HDAC9: variants seen among roughly 807,000 people sequenced by gnomAD.
HDAC9 encodes the protein histone deacetylase 9, also known as MEF-2 interacting transcription repressor (MITR) protein.
A neutral mutation model predicts 139.4 loss-of-function variants in HDAC9; 41 were observed. The ratio of observed to expected loss-of-function variants is 0.29; its 90% CI spans 0.23 to 0.38. HDAC9 has a LOEUF of 0.38. Among genes scored for constraint, HDAC9 ranks in the 10% least tolerant of loss-of-function variants. The pLI, the probability that HDAC9 is intolerant of heterozygous loss-of-function variation, is 1.00. For synonymous variants in HDAC9, 517 were observed against 476.2 expected (o/e 1.09, Z -1.12); for missense variants, 1,147 against 1,297.0 (o/e 0.88, Z 1.78).
At chr7:18,474,215 T>C (rs1046161687) in intron 1 of HDAC9, among the ~76,000 whole-genome samples, 2 of 152,326 alleles carry the variant, frequency 1.3e-5, no homozygotes, top group Admixed American at 6.5e-5. Context: ...GGCAAAATGT[T>C]AATAATGGGT....
intron 1 of HDAC9, among the ~76,000 whole-genome samples, chr7:18,127,900 G>C (rs532857546): frequency 1.1e-3 from 162 of 147,076 alleles, no homozygotes; most frequent in African/African-American, 3.6e-3. Context: ...GACAATTTTC[G>C]TGCATTTAAA....
chr7:18,574,332 CG>C (rs759052778), intron 2 of HDAC9, among the ~76,000 whole-genome samples: 15 of 152,212 alleles, frequency 9.9e-5, no homozygotes, highest in Non-Finnish European at 1.9e-4. Context: ...TAGCTTCTAT[CG>C]GCAAGCAGGT....
At chr7:18,540,357 T>C (rs949774388) in intron 2 of HDAC9, among the ~76,000 whole-genome samples, 1 of 151,828 alleles carries the variant, frequency 6.6e-6, no homozygotes, top group Non-Finnish European at 1.5e-5. Flanking sequence ...TATAACACTG[T>C]CATCATCAAA....
At chr7:18,861,255 A>T (rs567789065) in intron 21 of HDAC9, among the ~76,000 whole-genome samples, 2 of 152,150 alleles carry the variant, frequency 1.3e-5, no homozygotes, top group Non-Finnish European at 2.9e-5. Flanking sequence ...GTACAATTTT[A>T]ATATTAACTC....
At chr7:18,417,354 C>A (rs966068922) in intron 1 of HDAC9, among the ~76,000 whole-genome samples, 4 of 152,078 alleles carry the variant, frequency 2.6e-5, no homozygotes, top group African/African-American at 9.7e-5. Flanking sequence ...GTCTTAATAT[C>A]TTTGTCTGCT....
chr7:18,443,364 G>A (rs1338313715), intron 1 of HDAC9, among the ~76,000 whole-genome samples: 2 of 152,112 alleles, frequency 1.3e-5, no homozygotes, highest in Admixed American at 1.3e-4. Context: ...GAAGACCAAT[G>A]GGTAAGTAGT....
Position 18,405,667 on chromosome 7 carries a change from G to GA in HDAC9, c.-41-90585dup, listed in dbSNP as rs372452212. Among the ~76,000 whole-genome samples the GA allele has an allele frequency of 2.1e-3, 314 of 148,112 alleles. 1 individual carries two copies. Among genetic ancestry groups the GA allele is most frequent in the African/African-American group, 5.4e-3 (219 of 40,526 alleles). On this transcript the variant is annotated intron_variant, in intron 1 of 3. Coordinates refer to the HDAC9 transcript ENST00000413509. ...TTGAATGTGCAGGATTTTCAAGAGA[G>GA]AAAAAAAAAATATGCTAGGGAAAGA...
intron 22 of HDAC9, among the ~76,000 whole-genome samples, chr7:18,918,017 A>G (rs1803363561): frequency 6.6e-6 from 1 of 152,082 alleles, no homozygotes; most frequent in Non-Finnish European, 1.5e-5. Context: ...CCTATTGGCC[A>G]AAGTAGTGAC....
chr7:18,719,037 T>C (rs1784927026), intron 12 of HDAC9, among the ~76,000 whole-genome samples: 1 of 152,238 alleles, frequency 6.6e-6, no homozygotes, highest in Admixed American at 6.5e-5. Flanking sequence ...TGAGCATCTA[T>C]TCACAAGCCT....
intron 12 of HDAC9, among the ~76,000 whole-genome samples, chr7:18,721,654 A>G (rs577075671): frequency 1.3e-5 from 2 of 152,328 alleles, no homozygotes; most frequent in Admixed American, 6.5e-5. Context: ...GTCAGGAAGC[A>G]AATGTGATCA....
chr7:18,591,791 C>T (rs1273667572), intron 5 of HDAC9, 149 bp downstream of exon 5: 5 of 1,116,482 alleles, frequency 4.5e-6, no homozygotes, highest in East Asian at 2.4e-5. Context: ...CAGTTTCCTT[C>T]TCCATAAAAA....
At chr7:18,935,592 T>A (rs1714585900) in intron 22 of HDAC9, among the ~76,000 whole-genome samples, 1 of 152,198 alleles carries the variant, frequency 6.6e-6, no homozygotes, top group South Asian at 2.1e-4. Context: ...TTGGTTGTGA[T>A]ACTTCTTAGC....
chr7:18,882,603 G>A lies in HDAC9; in HGVS notation c.2803+8007G>A, dbSNP rs577421444. ...AAATATTTGTTCGGATCTCAAATAT[G>A]TTTCTCACTAATTTTGTAATCAAGT... is the stretch of plus-strand genomic sequence containing the variant. On this transcript the variant is annotated intron_variant, in intron 22 of 25. Transcript: ENST00000686413. Among the ~76,000 whole-genome samples, 17 of 150,224 alleles carry A rather than the reference G, an allele frequency of 1.1e-4. No homozygotes were observed. In the South Asian group the frequency reaches 2.3e-3, roughly 20 times the overall value.
intron 23 of HDAC9, among the ~76,000 whole-genome samples, chr7:18,952,115 A>T (rs1782840463): frequency 6.6e-6 from 1 of 152,026 alleles, no homozygotes; most frequent in African/African-American, 2.4e-5. Context: ...ATGACATTCA[A>T]CTAAAACATG....
intron 2 of HDAC9, among the ~76,000 whole-genome samples, chr7:18,190,480 G>T (rs1359937452): frequency 6.6e-6 from 1 of 152,070 alleles, no homozygotes; most frequent in African/African-American, 2.4e-5. Flanking sequence ...TTACAATGGG[G>T]CTATATCCTG....
chr7:18,636,335 C>A (rs1584426670), intron 8 of HDAC9, among the ~76,000 whole-genome samples: 1 of 152,076 alleles, frequency 6.6e-6, no homozygotes, highest in Non-Finnish European at 1.5e-5. Flanking sequence ...GAGCAGAGGG[C>A]AGATCCTCTC....
Position 18,557,287 on chromosome 7 carries a change from A to G in HDAC9, c.23-27994A>G, listed in dbSNP as rs550810188. On this transcript the variant is annotated intron_variant, in intron 2 of 25. Coordinates refer to ENST00000686413, the MANE Select transcript of HDAC9 (RefSeq NM_178425.4). ...GATGTAGGTCAAAGGAGATTCTGCA[A>G]ACACTTTTGCTGTTTTATCCTGGGG... is the stretch of plus-strand genomic sequence containing the variant. 3.3e-5 allele frequency among the ~76,000 whole-genome samples: 5 copies of G among 151,994 alleles called. No homozygotes were observed. The South Asian group carries it at 1.0e-3, about 32-fold the overall frequency.
chr7:18,428,815 G>A (rs935928818), intron 1 of HDAC9, among the ~76,000 whole-genome samples: 1 of 152,050 alleles, frequency 6.6e-6, no homozygotes, highest in African/African-American at 2.4e-5. Flanking sequence ...CCCTCACTCT[G>A]ATTCATCTCC....
chr7:18,893,169 A>T (rs149041803), intron 22 of HDAC9, among the ~76,000 whole-genome samples: 1 of 152,168 alleles, frequency 6.6e-6, no homozygotes, highest in East Asian at 1.9e-4. Flanking sequence ...TTTCATATTG[A>T]TGGTGACAGT....
Sources: allele counts gnomAD v4.1 joint callset (sites outside exome capture counted in the v4.1 genomes callset), GRCh38; gene constraint gnomAD v4.1.1; transcripts MANE v1.5; gene names NCBI Gene and HGNC (gene_info 2026-07-23, HGNC 2026-07-21).